The following DNAH12 variants were observed in gnomAD, a reference collection of about 807,000 sequenced individuals.
DNAH12 encodes axonemal beta dynein heavy chain 12.
In DNAH12, 285 loss-of-function variants were observed where a neutral mutation model predicts 371.5. That is an observed-to-expected ratio of 0.77 (90% CI 0.70 to 0.85). DNAH12 has a LOEUF of 0.85. DNAH12 is among the 40% of genes least tolerant of loss of function. The pLI is 0.00. For synonymous variants in DNAH12, 1,200 were observed against 1,213.0 expected (o/e 0.99, Z 0.22); for missense variants, 3,611 against 3,689.4 (o/e 0.98, Z 0.55).
intron 68 of DNAH12, 35 bp downstream of exon 68, chr3:57,309,625 TTATTTA>T: frequency 1.4e-6 from 2 of 1,395,480 alleles, no homozygotes; most frequent in South Asian, 3.6e-5. Context: ...AGTATCATTT[TTATTTA>T]TATTATAAGT....
intron 9 of DNAH12, 25 bp downstream of exon 9, chr3:57,503,991 T>G: frequency 6.3e-7 from 1 of 1,585,238 alleles, no homozygotes; most frequent in Non-Finnish European, 8.6e-7. Context: ...TTAAAATTCT[T>G]TCCCGATGGG....
intron 66 of DNAH12, among the ~76,000 whole-genome samples, chr3:57,311,680 G>C (rs894547758): frequency 6.6e-6 from 1 of 152,188 alleles, no homozygotes. Context: ...ATACACAGGA[G>C]AGCTGCCCAC....
Position 57,405,088 on chromosome 3 carries a change from T to A in DNAH12, c.6636A>T (p.Glu2212Asp). Residue 2212 changes from glutamate (E) to aspartate (D), a missense_variant, in exon 42 of 74, where the codon GAA becomes GAT. By Grantham distance (45) the Glu-to-Asp change is conservative. Coordinates refer to ENST00000495027, the MANE Select transcript of DNAH12 (RefSeq NM_001366028.2). The part of the protein sequence containing the change: ...MFGDYMNPDL[E>D]GDDRVYIEIP... Reference sequence around the variant, plus strand: ...TTTCAATATAAACTCTATCATCTCCTTCAAGGTCAGGATTCATATAATCAC... The same window carrying A: ...TTTCAATATAAACTCTATCATCTCCATCAAGGTCAGGATTCATATAATCAC... 2.6e-6 allele frequency: 4 copies of A among 1,546,566 alleles called. No individual in the cohort carries two copies. Among genetic ancestry groups the A allele is most frequent in the Non-Finnish European group, 3.5e-6 (4 of 1,145,424 alleles).
intron 70 of DNAH12, among the ~76,000 whole-genome samples, chr3:57,297,729 C>T (rs952794722): frequency 6.6e-6 from 1 of 152,164 alleles, no homozygotes; most frequent in African/African-American, 2.4e-5. Flanking sequence ...TATTCATGGT[C>T]TTCTTTCTGT....
chr3:57,378,086 G>A (rs1055403594), intron 52 of DNAH12, among the ~76,000 whole-genome samples: 68 of 152,270 alleles, frequency 4.5e-4, no homozygotes, highest in African/African-American at 1.6e-3. Flanking sequence ...CAGAAAGCAG[G>A]AAGCTCTCTT....
intron 43 of DNAH12, among the ~76,000 whole-genome samples, chr3:57,402,089 G>A (rs1216393180): frequency 6.6e-6 from 1 of 152,140 alleles, no homozygotes; most frequent in East Asian, 1.9e-4. Context: ...GGTAGACAAT[G>A]CATCAAAAGT....
In DNAH12 at chr3:57,405,143, G is replaced by A; in HGVS notation, c.6581C>T (p.Thr2194Ile). The A allele has an allele frequency of 6.6e-7, 1 of 1,520,040 alleles. No individual in the cohort carries two copies. The highest frequency in any genetic ancestry group is 2.4e-5 in the Admixed American group (1 of 42,276). 94.2% of individuals were successfully genotyped at this position (1,520,040 alleles called of 1,614,324 possible). A position where few individuals can be genotyped will look rare whatever the true frequency, so the allele number is the denominator to read the frequency against. Residue 2194 changes from threonine to isoleucine, a missense_variant, in exon 42 of 74, where the codon ACT becomes ATT. By Grantham distance (89) the Thr-to-Ile change is moderately conservative. Around this residue, in one of 3 missense-constraint regions of DNAH12, gnomAD observed 2,266 missense variants for 2,236.9 expected, o/e 1.01. Coordinates refer to ENST00000495027, the MANE Select transcript of DNAH12 (RefSeq NM_001366028.2). ...SHLRKQNAPV[T>I]EEDLRNLMFG... ...CATGAGATTTCTTAAGTCTTCTTCA[G>A]TTACCTATAGAAAGGAAATCAACAA...
intron 69 of DNAH12, among the ~76,000 whole-genome samples, chr3:57,304,458 C>T (rs2061428538): frequency 6.6e-6 from 1 of 152,130 alleles, no homozygotes; most frequent in African/African-American, 2.4e-5. Context: ...CTTACTATCC[C>T]TCAACCTCTT....
At chr3:57,469,833 G>T (rs181142323) in intron 16 of DNAH12, among the ~76,000 whole-genome samples, 176 of 152,252 alleles carry the variant, frequency 1.2e-3, no homozygotes, top group African/African-American at 3.9e-3. Flanking sequence ...ACTACTAGAG[G>T]TGGGAGAGAG....
chr3:57,295,699 A>C, intron 72 of DNAH12, 107 bp from the exon 73 acceptor site: 1 of 875,780 alleles, frequency 1.1e-6, no homozygotes, highest in Non-Finnish European at 1.7e-6. Context: ...GACTAGAGGC[A>C]TAGAGAAAAA....
chr3:57,431,616 A>G (rs2064957954), intron 32 of DNAH12, among the ~76,000 whole-genome samples: 1 of 152,154 alleles, frequency 6.6e-6, no homozygotes, highest in Admixed American at 6.5e-5. Context: ...TAATGCTTCT[A>G]CCATTCTCAT....
intron 11 of DNAH12, among the ~76,000 whole-genome samples, chr3:57,491,830 A>G (rs938386668): frequency 1.3e-5 from 2 of 151,996 alleles, no homozygotes; most frequent in Non-Finnish European, 2.9e-5. Context: ...ACATGGTGAA[A>G]CCCTATCTCT....
chr3:57,421,438 A>C, intron 36 of DNAH12, 80 bp downstream of exon 36: 2 of 1,406,826 alleles, frequency 1.4e-6, no homozygotes, highest in East Asian at 5.0e-5. Flanking sequence ...AAATAACTCT[A>C]GGATGAAAAC....
chr3:57,407,794 TTTATAA>T (rs1426999545), intron 40 of DNAH12, among the ~76,000 whole-genome samples: 1 of 152,178 alleles, frequency 6.6e-6, no homozygotes, highest in Admixed American at 6.5e-5. Flanking sequence ...GTATTTCTCT[TTTATAA>T]TTATTTTTTC....
intron 43 of DNAH12, among the ~76,000 whole-genome samples, chr3:57,399,590 A>G (rs1238103465): frequency 6.6e-6 from 1 of 152,234 alleles, no homozygotes; most frequent in African/African-American, 2.4e-5. Context: ...TAATGATAAA[A>G]GGGTCAATTT....
At chr3:57,430,020 G>T (rs1241046699) in intron 32 of DNAH12, among the ~76,000 whole-genome samples, 1 of 152,064 alleles carries the variant, frequency 6.6e-6, no homozygotes, top group Non-Finnish European at 1.5e-5. Context: ...TTGTAGAATT[G>T]TAGGAAGGGG....
chr3:57,485,563 G>A (rs1326069224), intron 12 of DNAH12, among the ~76,000 whole-genome samples: 1 of 146,904 alleles, frequency 6.8e-6, no homozygotes, highest in Non-Finnish European at 1.5e-5. Flanking sequence ...CACCACGTCT[G>A]GCTAATTTTT....
At chr3:57,410,148 T>C (rs1553682564) in intron 39 of DNAH12, among the ~76,000 whole-genome samples, 1 of 152,204 alleles carries the variant, frequency 6.6e-6, no homozygotes, top group Non-Finnish European at 1.5e-5. Flanking sequence ...TTTCACTTCA[T>C]TTCATTAAGC....
intron 2 of DNAH12, 68 bp downstream of exon 2, chr3:57,542,633 G>T (rs967613315): frequency 1.4e-6 from 2 of 1,475,374 alleles, no homozygotes; most frequent in Non-Finnish European, 1.8e-6. Context: ...AAACTTTTTA[G>T]GAGAATATGA....
Sources: gnomAD v4.1 joint callset for allele counts (sites outside exome capture counted in the v4.1 genomes callset) on GRCh38, gnomAD v4.1.1 for gene constraint, gnomAD v4.1.1 regional missense constraint, MANE v1.5 for transcripts, NCBI Gene and HGNC (gene_info 2026-07-23, HGNC 2026-07-21) for gene names.